TMEM126B: variants seen among roughly 807,000 people sequenced by gnomAD.
TMEM126B encodes the protein transmembrane protein 126B.
A neutral mutation model predicts 16.5 loss-of-function variants in TMEM126B; 19 were observed. That is an observed-to-expected ratio of 1.15 (90% CI 0.80 to 1.69). The LOEUF is 1.69. Ranked by LOEUF, TMEM126B falls within the 40% of genes most tolerant of loss-of-function variation. The pLI is 0.00. For synonymous variants in TMEM126B, 104 were observed against 93.2 expected (o/e 1.12, Z -0.67); for missense variants, 293 against 278.7 (o/e 1.05, Z -0.37).
At chr11:85,634,547 G>T in intron 3 of TMEM126B, 1 of 332,160 alleles carries the variant, frequency 3.0e-6, no homozygotes, top group Non-Finnish European at 5.6e-6. Context: ...AATTGGCTGT[G>T]GCATACAACG....
At chr11:85,631,240 G>A (rs1301983452) in intron 1 of TMEM126B, 1 of 1,288,584 alleles carries the variant, frequency 7.8e-7, no homozygotes, top group African/African-American at 1.5e-5. Flanking sequence ...CTCCCCACCT[G>A]AAGAGCTAGG....
chr11:85,631,176 A>T, intron 1 of TMEM126B: 1 of 1,290,440 alleles, frequency 7.7e-7, no homozygotes, highest in South Asian at 1.2e-5. Flanking sequence ...AATGAACTTA[A>T]TCTTTCATGA....
Position 85,636,063 on chromosome 11 carries a change from T to A in TMEM126B, c.527T>A (p.Leu176Gln). 6.3e-7 allele frequency: 1 copy of A among 1,599,198 alleles called. No homozygotes were observed. Among genetic ancestry groups the A allele is most frequent in the Non-Finnish European group, 8.5e-7 (1 of 1,175,448 alleles). Residue 176 changes from leucine (L) to glutamine (Q), a missense_variant, in exon 5 of 5, where the codon CTG becomes CAG. Physicochemically the swap from Leu to Gln is moderately radical, Grantham distance 113. Coordinates refer to ENST00000358867, the MANE Select transcript of TMEM126B (RefSeq NM_018480.7). ...CTTTTTAGGTATCATACCGTTCCAC[T>A]GCCACCAAAAGGAAGGGTTTTAATC... is the stretch of plus-strand genomic sequence containing the variant. ...RLATKYHTVPLPPKGRVLIHW... is the reference protein window; with the variant it reads ...RLATKYHTVPQPPKGRVLIHW...
At position 85,635,690 on chromosome 11, in the gene TMEM126B, G is replaced by A. The variant is rs775909459; in HGVS notation, c.421G>A (p.Val141Ile). 8 of 1,604,342 alleles carry A rather than the reference G, an allele frequency of 5.0e-6. No individual in the cohort carries two copies. In the East Asian group the frequency reaches 1.8e-4, roughly 36 times the overall value. Residue 141 changes from valine (V) to isoleucine (I), a missense_variant, in exon 4 of 5, where the codon GTT becomes ATT. Transcript: ENST00000358867. ...AGATAATATAAGCAAGGAAAACTGT[G>A]TTTTCAGAAGCTCACTGATTGGCAT... Reference protein sequence around the residue: ...YSDNISKENCVFRSSLIGIVC... With the variant: ...YSDNISKENCIFRSSLIGIVC...
chr11:85,628,808 T>G, intron 1 of TMEM126B, 120 bp downstream of exon 1: 2 of 992,722 alleles, frequency 2.0e-6, no homozygotes, highest in Middle Eastern at 2.1e-4. Flanking sequence ...CCCAAGTCCA[T>G]GCAAGGAGCA....
chr11:85,636,200 A>C lies in TMEM126B; in HGVS notation c.664A>C (p.Thr222Pro). The change falls in exon 5 of 5, where the codon ACA (threonine) becomes CCA (proline). Residue 222 changes from threonine (T) to proline (P), a missense_variant. Coordinates refer to ENST00000358867, the MANE Select transcript of TMEM126B (RefSeq NM_018480.7). The part of the protein sequence containing the change: ...GLYHYAVFEE[T>P]LEKTIHEE Reference sequence around the variant, plus strand: ...ATACCATTATGCAGTATTTGAAGAGACACTTGAGAAAACTATACATGAAGA... The same window carrying C: ...ATACCATTATGCAGTATTTGAAGAGCCACTTGAGAAAACTATACATGAAGA... The C allele has an allele frequency of 6.5e-7, 1 of 1,549,634 alleles. No individual in the cohort carries two copies. The highest frequency in any genetic ancestry group is 8.7e-7 in the Non-Finnish European group (1 of 1,151,600).
At chr11:85,631,610 G>T in intron 1 of TMEM126B, 77 bp from the exon 2 acceptor site, 1 of 1,491,618 alleles carries the variant, frequency 6.7e-7, no homozygotes, top group South Asian at 1.3e-5. Context: ...TTTCAAATCT[G>T]AATCTGTAGA....
At position 85,635,683 on chromosome 11, in the gene TMEM126B, A is replaced by T. The variant is rs765464252; in HGVS notation, c.414A>T (p.Glu138Asp). 6.2e-7 allele frequency: 1 copy of T among 1,604,458 alleles called. No individual in the cohort carries two copies. Residue 138 changes from glutamate to aspartate, a missense_variant, in exon 4 of 5, where the codon GAA (glutamate) becomes GAT (aspartate). Physicochemically the swap from Glu to Asp is conservative, Grantham distance 45. Coordinates refer to ENST00000358867, the MANE Select transcript of TMEM126B (RefSeq NM_018480.7). ...GTTTTCCAGATAATATAAGCAAGGA[A>T]AACTGTGTTTTCAGAAGCTCACTGA... ...DALYSDNISK[E>D]NCVFRSSLIG...
chr11:85,631,111 C>T, intron 1 of TMEM126B: 1 of 1,279,734 alleles, frequency 7.8e-7, no homozygotes, highest in Middle Eastern at 2.1e-4. Context: ...TCACTATTCT[C>T]CAAGGCAATC....
At position 85,636,246 on chromosome 11, in the gene TMEM126B, T is replaced by C. The variant is rs748689431; in HGVS notation, c.*17T>C. 7.0e-7 allele frequency: 1 copy of C among 1,435,938 alleles called. No individual in the cohort carries two copies. Among genetic ancestry groups the C allele is most frequent in the South Asian group, 1.7e-5 (1 of 59,698 alleles). The allele number at this position is 1,435,938 out of a possible 1,614,324, so 88.9% of individuals were successfully genotyped here. ...GAAGAGTAACCAAAAAAATGAATGG[T>C]TGCTAACTTAGCAAAATGAAGTTTC... On this transcript the variant is annotated 3_prime_UTR_variant, in exon 5 of 5. Coordinates refer to ENST00000358867, the MANE Select transcript of TMEM126B (RefSeq NM_018480.7).
intron 2 of TMEM126B, among the ~76,000 whole-genome samples, chr11:85,633,038 T>C (rs1162049435): frequency 6.6e-6 from 1 of 151,860 alleles, no homozygotes; most frequent in Non-Finnish European, 1.5e-5. Flanking sequence ...CACCTATGAG[T>C]GAGAATATGC....
chr11:85,633,743 C>G (rs1331592716), intron 2 of TMEM126B, among the ~76,000 whole-genome samples: 1 of 152,034 alleles, frequency 6.6e-6, no homozygotes, highest in East Asian at 1.9e-4. Context: ...GAAAGGTATT[C>G]TTGGATTTGG....
At chr11:85,633,128 G>T (rs1418677769) in intron 2 of TMEM126B, among the ~76,000 whole-genome samples, 159 of 147,852 alleles carry the variant, frequency 1.1e-3, no homozygotes, top group Middle Eastern at 3.4e-3. Context: ...CAAAGGACAT[G>T]AACTCATCAT....
chr11:85,635,504 GC>G (rs1433722025), intron 3 of TMEM126B, among the ~76,000 whole-genome samples, 162 bp from the exon 4 acceptor site: 1 of 152,202 alleles, frequency 6.6e-6, no homozygotes, highest in Non-Finnish European at 1.5e-5. Context: ...TTTAAAATGT[GC>G]TGCATTTGGC....
At chr11:85,635,263 A>G (rs1321780278) in intron 3 of TMEM126B, among the ~76,000 whole-genome samples, 1 of 152,040 alleles carries the variant, frequency 6.6e-6, no homozygotes, top group Non-Finnish European at 1.5e-5. Flanking sequence ...AAATAGAAAA[A>G]CAGTTGAGCA....
chr11:85,630,619 T>A (rs1005527357), intron 1 of TMEM126B, among the ~76,000 whole-genome samples: 4 of 152,160 alleles, frequency 2.6e-5, no homozygotes, highest in African/African-American at 9.7e-5. Context: ...CAGGGTTTGT[T>A]TTTTTGTTGT....
At chr11:85,632,626 T>C (rs2082323577) in intron 2 of TMEM126B, among the ~76,000 whole-genome samples, 1 of 152,120 alleles carries the variant, frequency 6.6e-6, no homozygotes, top group Admixed American at 6.5e-5. Flanking sequence ...TTTATTTCAT[T>C]TTCTGTTTTA....
chr11:85,636,458 G>A lies in TMEM126B; in HGVS notation c.*229G>A. ...TCCTGATGGTGTGTCCATTTTGCCTGGTATATAACAGATAATAAATATCCA... is the reference window on the plus strand; with the variant it reads ...TCCTGATGGTGTGTCCATTTTGCCTAGTATATAACAGATAATAAATATCCA... On this transcript the variant is annotated 3_prime_UTR_variant, in exon 5 of 5. Coordinates refer to ENST00000358867, the MANE Select transcript of TMEM126B (RefSeq NM_018480.7). The A allele has an allele frequency of 3.6e-6, 1 of 277,158 alleles. No individual in the cohort carries two copies. The highest frequency in any genetic ancestry group is 1.3e-4 in the South Asian group (1 of 7,960). The allele number at this position is 277,158 out of a possible 1,614,324, so 17.2% of individuals were successfully genotyped here. A position where few individuals can be genotyped will look rare whatever the true frequency, so the allele number is the denominator to read the frequency against.
chr11:85,635,867 G>A lies in TMEM126B; in HGVS notation c.509+89G>A, dbSNP rs2082393652. 25 of 1,003,772 alleles carry A rather than the reference G, an allele frequency of 2.5e-5. No individual in the cohort carries two copies. The South Asian group carries it at 4.2e-4, about 17-fold the overall frequency. 62.2% of individuals were successfully genotyped at this position (1,003,772 alleles called of 1,614,324 possible). On this transcript the variant is annotated intron_variant, in intron 4 of 4. Coordinates refer to ENST00000358867, the MANE Select transcript of TMEM126B (RefSeq NM_018480.7). ...GTTAATAAACTCTCTTTCTTCTTTAGCTGTCTATGATATATTTGAATCAAA... is the reference window on the plus strand; with the variant it reads ...GTTAATAAACTCTCTTTCTTCTTTAACTGTCTATGATATATTTGAATCAAA...
Sources: gnomAD v4.1 joint callset for allele counts (sites outside exome capture counted in the v4.1 genomes callset) on GRCh38, gnomAD v4.1.1 for gene constraint, MANE v1.5 for transcripts, NCBI Gene and HGNC (gene_info 2026-07-23, HGNC 2026-07-21) for gene names.